The following CCDC80 variants were observed in gnomAD, a reference collection of about 807,000 sequenced individuals.
The protein encoded by CCDC80 is coiled-coil domain containing 80.
CCDC80 carries 49 observed loss-of-function variants against 78.7 expected under a neutral mutation model. That is an observed-to-expected ratio of 0.62 (90% CI 0.50 to 0.79). CCDC80 has a LOEUF of 0.79. Ranked by LOEUF, CCDC80 falls within the 30% of genes least tolerant of loss-of-function variation. CCDC80 has a pLI of 0.00. For missense variants in CCDC80, 1,205 were observed against 1,198.6 expected (o/e 1.01, Z -0.08); for synonymous variants, 488 against 447.0 (o/e 1.09, Z -1.16).
intron 3 of CCDC80, among the ~76,000 whole-genome samples, chr3:112,620,197 T>C (rs552889100): frequency 2.6e-5 from 4 of 152,336 alleles, no homozygotes; most frequent in Admixed American, 2.0e-4. Flanking sequence ...ATGATTACAA[T>C]TTAACTGTTA....
Position 112,638,503 on chromosome 3 carries a change from A to C in CCDC80, c.1403T>G (p.Met468Arg), listed in dbSNP as rs773521549. The change falls in exon 2 of 8, where the codon ATG (methionine) becomes AGG (arginine). Residue 468 changes from methionine to arginine, a missense_variant. Coordinates refer to ENST00000206423, the MANE Select transcript of CCDC80 (RefSeq NM_199511.3). ...TCGGTGGCCATGTTCCCGCCTGTCC[A>C]TGCGGTTGTCCCGGAAACGGCCTGG... ...AGPGRFRDNR[M>R]DRREHGHRDP... 65 of 1,613,774 alleles carry C rather than the reference A, an allele frequency of 4.0e-5. 2 individuals carry two copies. In the Middle Eastern group the frequency reaches 4.1e-3, roughly 102 times the overall value.
At position 112,610,027 on chromosome 3, in the gene CCDC80, CCA is replaced by C; in HGVS notation, c.2374_2375del (p.Trp792GlyfsTer43). 1 of 1,613,930 alleles carries C rather than the reference CCA, an allele frequency of 6.2e-7. No homozygotes were observed. The highest frequency in any genetic ancestry group is 8.5e-7 in the Non-Finnish European group (1 of 1,179,978). ...GGGCAGAGAGCTGCTGTGAATAGGC[CCA>C]GTCTTCATCGTTAGGAGCAGAGATC... ...LVISAPNDED[W>X]AYSQQLSALS... On this transcript the variant is annotated frameshift_variant, in exon 6 of 8. Coordinates refer to ENST00000206423, the MANE Select transcript of CCDC80 (RefSeq NM_199511.3). LOFTEE classifies it high-confidence loss of function.
intron 3 of CCDC80, among the ~76,000 whole-genome samples, chr3:112,621,743 T>G (rs1451991796): frequency 6.6e-6 from 1 of 152,178 alleles, no homozygotes; most frequent in African/African-American, 2.4e-5. Flanking sequence ...ACAATTGATC[T>G]ACTTAGAAGG....
At position 112,597,287 on chromosome 3, in the gene CCDC80, AAG is replaced by A. The variant is rs1277758565; in HGVS notation, c.*8128_*8129del. 1.3e-5 allele frequency: 2 copies of A among 152,216 alleles called. No homozygotes were observed. Among genetic ancestry groups the A allele is most frequent in the Non-Finnish European group, 2.9e-5 (2 of 68,046 alleles). The allele number at this position is 152,216 out of a possible 1,614,324, so 9.4% of individuals were successfully genotyped here. A position where few individuals can be genotyped will look rare whatever the true frequency, so the allele number is the denominator to read the frequency against. On this transcript the variant is annotated 3_prime_UTR_variant, in exon 8 of 8. Transcript: ENST00000206423. Reference sequence around the variant, plus strand: ...CAATTAGGAAGCTAAGTGGGTAAGAAAGAAAAAATAAAGGCAGAGCATAACGA... The same window carrying A: ...CAATTAGGAAGCTAAGTGGGTAAGAAAAAAAATAAAGGCAGAGCATAACGA...
Position 112,625,272 on chromosome 3 carries a change from G to A in CCDC80, c.2035+4841C>T, listed in dbSNP as rs185686598. Among the ~76,000 whole-genome samples the A allele has an allele frequency of 4.4e-4, 67 of 152,276 alleles. 1 individual carries two copies. The East Asian group carries it at 0.01, about 24-fold the overall frequency. ...TTGATTACACACATTAATTGGAGAGGTCTGGGGAAATAGACATATTTAAAC... is the reference window on the plus strand; with the variant it reads ...TTGATTACACACATTAATTGGAGAGATCTGGGGAAATAGACATATTTAAAC... On this transcript the variant is annotated intron_variant, in intron 3 of 7. Coordinates refer to ENST00000206423, the MANE Select transcript of CCDC80 (RefSeq NM_199511.3).
intron 5 of CCDC80, among the ~76,000 whole-genome samples, chr3:112,612,869 T>TA (rs1935659315): frequency 6.6e-6 from 1 of 151,456 alleles, no homozygotes; most frequent in South Asian, 2.1e-4. Flanking sequence ...ACTGTAATTT[T>TA]TTTTTTTTTT....
rs1391592977 is a variant in CCDC80 at position 112,639,498 on chromosome 3, G to A, written c.408C>T (p.Ser136=). The change falls in exon 2 of 8, where the codon TCC becomes TCT. Residue 136 remains serine (S), a synonymous_variant. Coordinates refer to ENST00000206423, the MANE Select transcript of CCDC80 (RefSeq NM_199511.3). ...RSRMLRFPSG[S]SSPNILASFA... The stretch of plus-strand genomic sequence containing the variant: ...AGCTGGCAAGGATGTTGGGAGAGCT[G>A]GACCCCGAAGGGAAACGCAACATTC... The A allele has an allele frequency of 3.7e-6, 6 of 1,614,082 alleles. No individual in the cohort carries two copies. The highest frequency in any genetic ancestry group is 5.1e-6 in the Non-Finnish European group (6 of 1,180,048).
chr3:112,608,584 C>CTT, intron 6 of CCDC80, among the ~76,000 whole-genome samples: 1 of 152,130 alleles, frequency 6.6e-6, no homozygotes, highest in Non-Finnish European at 1.5e-5. Flanking sequence ...ATAGCTGCTA[C>CTT]AAAAGCATCT....
At chr3:112,616,919 G>C in intron 4 of CCDC80, 61 bp from the exon 5 acceptor site, 1 of 1,550,888 alleles carries the variant, frequency 6.4e-7, no homozygotes, top group South Asian at 1.1e-5. Flanking sequence ...TCTATTCAGA[G>C]GATAGAGAAC....
intron 3 of CCDC80, 108 bp from the exon 4 acceptor site, chr3:112,619,212 T>C (rs1234153952): frequency 9.7e-7 from 1 of 1,028,376 alleles, no homozygotes; most frequent in Non-Finnish European, 1.3e-6. Context: ...TCATTAGTTT[T>C]ATATATTCAA....
intron 5 of CCDC80, 153 bp from the exon 6 acceptor site, chr3:112,610,234 C>T (rs1253193424): frequency 1.5e-6 from 1 of 671,150 alleles, no homozygotes; most frequent in Admixed American, 2.4e-5. Context: ...TTCTCAAAGC[C>T]ATTAAACTGC....
intron 3 of CCDC80, among the ~76,000 whole-genome samples, chr3:112,628,836 C>G (rs1936033262): frequency 6.6e-6 from 1 of 152,088 alleles, no homozygotes; most frequent in Admixed American, 6.5e-5. Flanking sequence ...GTAGCCACCT[C>G]AGAGGAAGGT....
rs372706878 is a variant in CCDC80, at chr3:112,605,688, G to A, written c.2582C>T (p.Pro861Leu). The A allele has an allele frequency of 1.1e-5, 18 of 1,614,074 alleles. No individual in the cohort carries two copies. The African/African-American group carries it at 2.1e-4, about 19-fold the overall frequency. Reference sequence around the variant, plus strand: ...GACTAGAAGCATGGAGAAGTACTCCGGGCTCACTTGAAAATAGTTACGAAT... The same window carrying A: ...GACTAGAAGCATGGAGAAGTACTCCAGGCTCACTTGAAAATAGTTACGAAT... ...KDIRNYFQVS[P>L]EYFSMLLVGK... The change falls in exon 8 of 8, where the codon CCG becomes CTG. Residue 861 changes from proline to leucine, a missense_variant. By Grantham distance (98) the Pro-to-Leu change is moderately conservative (BLOSUM62 -3). Coordinates refer to ENST00000206423, the MANE Select transcript of CCDC80 (RefSeq NM_199511.3).
intron 3 of CCDC80, among the ~76,000 whole-genome samples, chr3:112,624,035 G>C (rs925764789): frequency 6.6e-6 from 1 of 152,054 alleles, no homozygotes; most frequent in Non-Finnish European, 1.5e-5. Context: ...TACAACCCCA[G>C]CATTCAGTAA....
chr3:112,606,704 C>T (rs1006270161), intron 7 of CCDC80, among the ~76,000 whole-genome samples: 1 of 152,166 alleles, frequency 6.6e-6, no homozygotes, highest in Admixed American at 6.5e-5. Flanking sequence ...GGATTACAGA[C>T]GTGAGCCACC....
chr3:112,638,236 T>C lies in CCDC80; in HGVS notation c.1670A>G (p.Glu557Gly). Reference sequence around the variant, plus strand: ...ACTCTTAAGTAACTTGTCTGCGTTCTCATTCTTCATCTTTTTTTTCTTCTC... The same window carrying C: ...ACTCTTAAGTAACTTGTCTGCGTTCCCATTCTTCATCTTTTTTTTCTTCTC... ...EKEKKKKMKN[E>G]NADKLLKSEK... The change falls in exon 2 of 8, where the codon GAG becomes GGG. Residue 557 changes from glutamate (E) to glycine (G), a missense_variant. By Grantham distance (98) the Glu-to-Gly change is moderately conservative. Coordinates refer to ENST00000206423, the MANE Select transcript of CCDC80 (RefSeq NM_199511.3). 1 of 1,613,436 alleles carries C rather than the reference T, an allele frequency of 6.2e-7. No homozygotes were observed. The highest frequency in any genetic ancestry group is 8.5e-7 in the Non-Finnish European group (1 of 1,179,434).
At chr3:112,610,893 A>ATTTCT (rs1453983222) in intron 5 of CCDC80, among the ~76,000 whole-genome samples, 3 of 138,730 alleles carry the variant, frequency 2.2e-5, no homozygotes, top group Non-Finnish European at 3.1e-5. Flanking sequence ...GTTTTTCCTT[A>ATTTCT]TTTCTTTTCT....
chr3:112,608,873 A>G lies in CCDC80; in HGVS notation c.2425+1105T>C, dbSNP rs558049168. Among the ~76,000 whole-genome samples the G allele has an allele frequency of 2.9e-3, 444 of 152,280 alleles. 4 individuals are homozygous for G. Among genetic ancestry groups the G allele is most frequent in the African/African-American group, 0.01 (432 of 41,570 alleles). ...TGAGTTATTTCATATCTTAAAATTA[A>G]AATGTACTTATAATTTACACATACT... On this transcript the variant is annotated intron_variant, in intron 6 of 7. Transcript: ENST00000206423.
chr3:112,613,355 T>G (rs188273273), intron 5 of CCDC80, among the ~76,000 whole-genome samples: 18 of 152,342 alleles, frequency 1.2e-4, no homozygotes, highest in Non-Finnish European at 2.4e-4. Flanking sequence ...TATCTCTGAA[T>G]ATCCATAAAA....
Sources: allele counts gnomAD v4.1 joint callset (sites outside exome capture counted in the v4.1 genomes callset), GRCh38; gene constraint gnomAD v4.1.1; transcripts MANE v1.5; gene names NCBI Gene and HGNC (gene_info 2026-07-23, HGNC 2026-07-21).